The following GBP2 variants were observed in gnomAD, a reference collection of about 807,000 sequenced individuals.
The protein encoded by GBP2 is guanylate-binding protein 2.
A neutral mutation model predicts 60.8 loss-of-function variants in GBP2; 54 were observed. The observed-to-expected ratio is 0.89, with a 90% CI of 0.71 to 1.11. The LOEUF (loss-of-function observed/expected upper bound fraction) is 1.11. Ranked by LOEUF, GBP2 falls within the 50% of genes most tolerant of loss-of-function variation. The pLI is 0.00. For missense variants in GBP2, 665 were observed against 703.3 expected, an observed-to-expected ratio of 0.95 and a Z score of 0.62; for synonymous variants, 243 against 256.5, an observed-to-expected ratio of 0.95 and a Z score of 0.50.
At chr1:89,124,790 A>T (rs914018669) in intron 1 of GBP2, among the ~76,000 whole-genome samples, 8 of 152,224 alleles carry the variant, frequency 5.3e-5, no homozygotes, top group African/African-American at 1.9e-4. Flanking sequence ...TGACATGTAG[A>T]AAATCTGCTG....
rs1681266378 is a variant in GBP2, at chr1:89,116,104, C to G, written c.868+888G>C. Among the ~76,000 whole-genome samples the G allele has an allele frequency of 2.0e-5, 3 of 152,152 alleles. No homozygotes were observed. In the South Asian group the frequency reaches 6.2e-4, roughly 32 times the overall value. Reference sequence around the variant, plus strand: ...CTCCGCTCACTGCAACCTCTGCCTCCCAGGCTCAAGTGATCCTTCAGACTC... The same window carrying G: ...CTCCGCTCACTGCAACCTCTGCCTCGCAGGCTCAAGTGATCCTTCAGACTC... On this transcript the variant is annotated intron_variant, in intron 6 of 10. Transcript: ENST00000370466.
At chr1:89,118,726 T>C (rs942806743) in intron 4 of GBP2, 2 of 152,124 alleles carry the variant, frequency 1.3e-5, no homozygotes, top group African/African-American at 4.8e-5. Context: ...ATAACTTTGA[T>C]AGTGGAGCTG....
At chr1:89,117,507 G>T in intron 5 of GBP2, 70 bp downstream of exon 5, 1 of 1,325,788 alleles carries the variant, frequency 7.5e-7, no homozygotes, top group South Asian at 1.3e-5. Flanking sequence ...TTTTAGCACT[G>T]CACAGAAATG....
chr1:89,117,891 C>T, intron 4 of GBP2, 118 bp from the exon 5 acceptor site: 1 of 781,294 alleles, frequency 1.3e-6, no homozygotes, highest in Middle Eastern at 3.5e-4. Context: ...CATTCACAAA[C>T]ATTTATTTAC....
At chr1:89,122,664 G>A (rs1372249964) in intron 1 of GBP2, among the ~76,000 whole-genome samples, 2 of 152,108 alleles carry the variant, frequency 1.3e-5, no homozygotes, top group Non-Finnish European at 2.9e-5. Flanking sequence ...TGATCACTTG[G>A]TTAAGGTGTT....
At chr1:89,119,961 G>A in intron 4 of GBP2, 1 of 514,234 alleles carries the variant, frequency 1.9e-6, no homozygotes, top group South Asian at 2.2e-5. Context: ...AGGATATACA[G>A]AGTCTTGGGT....
chr1:89,113,633 T>C (rs887693054), intron 7 of GBP2, among the ~76,000 whole-genome samples: 1 of 152,068 alleles, frequency 6.6e-6, no homozygotes, highest in Non-Finnish European at 1.5e-5. Flanking sequence ...ATTTTACCAT[T>C]GGCTCACATT....
In GBP2 at chr1:89,106,133, T is replaced by G. The variant is rs146682471; in HGVS notation, c.*2042A>C. ...AATCAAAACTCAGACATTTAAAAAT[T>G]TAGGTCAAATGTTATTTTTTTTTTT... On this transcript the variant is annotated 3_prime_UTR_variant, in exon 11 of 11. Transcript: ENST00000370466. The G allele has an allele frequency of 7.5e-6, 1 of 133,832 alleles. No homozygotes were observed. Among genetic ancestry groups the G allele is most frequent in the Admixed American group, 7.7e-5 (1 of 12,996 alleles). 8.3% of individuals were successfully genotyped at this position (133,832 alleles called of 1,614,324 possible).
Position 89,117,135 on chromosome 1 carries a change from T to A in GBP2, c.725A>T (p.Lys242Met), listed in dbSNP as rs1448884604. 5 of 1,614,190 alleles carry A rather than the reference T, an allele frequency of 3.1e-6. No individual in the cohort carries two copies. In the Admixed American group the frequency reaches 8.3e-5, roughly 27 times the overall value. Residue 242 changes from lysine (K) to methionine (M), a missense_variant, in exon 6 of 11, where the codon AAG becomes ATG. Transcript: ENST00000370466. ...CTGCTCTAGGTGAGCAAGGTACTTC[T>A]TAGGAGCGGGCCAATCGAAGACGAA... ...KCFVFDWPAPKKYLAHLEQLK... is the reference protein window; with the variant it reads ...KCFVFDWPAPMKYLAHLEQLK...
At position 89,114,018 on chromosome 1, in the gene GBP2, C is replaced by A; in HGVS notation, c.1147G>T (p.Gly383Trp). 2.5e-6 allele frequency: 4 copies of A among 1,614,166 alleles called. No homozygotes were observed. The highest frequency in any genetic ancestry group is 3.4e-6 in the Non-Finnish European group (4 of 1,180,004). Residue 383 changes from glycine (G) to tryptophan (W), a missense_variant and splice_region_variant, in exon 7 of 11, where the codon GGG becomes TGG. Transcript: ENST00000370466. ...DVDQMFQRKL[G>W]AQLEARRDDF... ...ATGACGTAGAACACCAAATATACCCCTAATTTCCTCTGGAACATTTGGTCC... is the reference window on the plus strand; with the variant it reads ...ATGACGTAGAACACCAAATATACCCATAATTTCCTCTGGAACATTTGGTCC...
chr1:89,106,471 G>T lies in GBP2; in HGVS notation c.*1704C>A, dbSNP rs1316708496. The stretch of plus-strand genomic sequence containing the variant: ...TGTTAAAAACTAAGAATAACTTAAA[G>T]AATATTAACAAAGTGCATGACATGA... On this transcript the variant is annotated 3_prime_UTR_variant, in exon 11 of 11. Transcript: ENST00000370466. 2 of 152,098 alleles carry T rather than the reference G, an allele frequency of 1.3e-5. No homozygotes were observed. The highest frequency in any genetic ancestry group is 2.9e-5 in the Non-Finnish European group (2 of 68,006). The allele number at this position is 152,098 out of a possible 1,614,324, so 9.4% of individuals were successfully genotyped here.
chr1:89,112,833 C>T, intron 7 of GBP2, 149 bp from the exon 8 acceptor site: 1 of 619,938 alleles, frequency 1.6e-6, no homozygotes, highest in Non-Finnish European at 2.9e-6. Flanking sequence ...CCTAGAATAT[C>T]CCTAAGTTGT....
Position 89,110,283 on chromosome 1 carries a change from A to C in GBP2, c.1363-17T>G. 3.2e-6 allele frequency: 5 copies of C among 1,584,498 alleles called. No individual in the cohort carries two copies. Among genetic ancestry groups the C allele is most frequent in the South Asian group, 1.1e-5 (1 of 90,296 alleles). On this transcript the variant is annotated splice_polypyrimidine_tract_variant and intron_variant, in intron 8 of 10. Transcript: ENST00000370466. ...CTCTTTGGCCTGGTTATACAGAGAAAGGTAGAATGAAGAAAGAGTGATTGT... is the reference window on the plus strand; with the variant it reads ...CTCTTTGGCCTGGTTATACAGAGAACGGTAGAATGAAGAAAGAGTGATTGT...
At position 89,114,108 on chromosome 1, in the gene GBP2, C is replaced by A. The variant is rs1681220812; in HGVS notation, c.1057G>T (p.Asp353Tyr). 1 of 1,614,196 alleles carries A rather than the reference C, an allele frequency of 6.2e-7. No individual in the cohort carries two copies. The highest frequency in any genetic ancestry group is 8.5e-7 in the Non-Finnish European group (1 of 1,180,032). Reference protein sequence around the residue: ...LPTETLQELLDLHRDSEREAI... With the variant: ...LPTETLQELLYLHRDSEREAI... ...TCTCTCTCACTGTCCCTGTGCAGGT[C>A]CAGCAGCTCCTGGAGGGTTTCCGTG... is the stretch of plus-strand genomic sequence containing the variant. The change falls in exon 7 of 11, where the codon GAC (aspartate) becomes TAC (tyrosine). Residue 353 changes from aspartate to tyrosine, a missense_variant. Coordinates refer to ENST00000370466, the MANE Select transcript of GBP2 (RefSeq NM_004120.5).
In GBP2 at chr1:89,122,093, A is replaced by G. The variant is rs12070089; in HGVS notation, c.-17-110T>C. 4,094 of 685,836 alleles carry G rather than the reference A, an allele frequency of 6.0e-3. 124 individuals are homozygous for G. In the African/African-American group the frequency reaches 0.066, roughly 11 times the overall value. The allele number at this position is 685,836 out of a possible 1,614,324, so 42.5% of individuals were successfully genotyped here. ...GTTTTCTATGCTTGAACATTTTTTCATATACGTTTTTTAAAGCCTGGTTTC... is the reference window on the plus strand; with the variant it reads ...GTTTTCTATGCTTGAACATTTTTTCGTATACGTTTTTTAAAGCCTGGTTTC... On this transcript the variant is annotated intron_variant, in intron 1 of 10. Coordinates refer to ENST00000370466, the MANE Select transcript of GBP2 (RefSeq NM_004120.5).
rs1407695126 is a variant in GBP2, at chr1:89,106,920, C to G, written c.*1255G>C. 14 of 152,128 alleles carry G rather than the reference C, an allele frequency of 9.2e-5. No individual in the cohort carries two copies. Among genetic ancestry groups the G allele is most frequent in the Admixed American group, 9.2e-4 (14 of 15,274 alleles). The allele number at this position is 152,128 out of a possible 1,614,324, so 9.4% of individuals were successfully genotyped here. ...ACTGCAGAAGCTTCCAGCATTTCAT[C>G]CAGAGATCATGGTGCTGGTTCATGG... is the stretch of plus-strand genomic sequence containing the variant. On this transcript the variant is annotated 3_prime_UTR_variant, in exon 11 of 11. Coordinates refer to ENST00000370466, the MANE Select transcript of GBP2 (RefSeq NM_004120.5).
At chr1:89,117,260 T>G (rs1423827682) in intron 5 of GBP2, 26 bp from the exon 6 acceptor site, 1 of 1,574,684 alleles carries the variant, frequency 6.4e-7, no homozygotes, top group South Asian at 1.1e-5. Context: ...TTAGAAGTAG[T>G]AAAACTTCAA....
chr1:89,122,345 T>C (rs757347532), intron 1 of GBP2, among the ~76,000 whole-genome samples: 1 of 152,220 alleles, frequency 6.6e-6, no homozygotes, highest in African/African-American at 2.4e-5. Flanking sequence ...CTAATGTCCT[T>C]CTGCTCCATG....
rs1454379737 is a variant in GBP2, at chr1:89,108,311, C to A, written c.1660-20G>T. The A allele has an allele frequency of 6.9e-7, 1 of 1,451,814 alleles. No homozygotes were observed. Among genetic ancestry groups the A allele is most frequent in the Non-Finnish European group, 9.7e-7 (1 of 1,033,624 alleles). The allele number at this position is 1,451,814 out of a possible 1,614,324, so 89.9% of individuals were successfully genotyped here. A position where few individuals can be genotyped will look rare whatever the true frequency, so the allele number is the denominator to read the frequency against. ...CTGTTCCTAAAAGGGAAAGTGGAGA[C>A]TAAGCCTATCCAGCTTAACACATTT... On this transcript the variant is annotated intron_variant, in intron 10 of 10. Coordinates refer to ENST00000370466, the MANE Select transcript of GBP2 (RefSeq NM_004120.5).
Sources: gnomAD v4.1 joint callset for allele counts (sites outside exome capture counted in the v4.1 genomes callset) on GRCh38, gnomAD v4.1.1 for gene constraint, MANE v1.5 for transcripts, NCBI Gene and HGNC (gene_info 2026-07-23, HGNC 2026-07-21) for gene names.